The following TMEM17 variants were observed in gnomAD, a reference collection of about 807,000 sequenced individuals.
TMEM17 encodes the protein transmembrane protein 17.
In TMEM17, 15 loss-of-function variants were observed where a neutral mutation model predicts 19.1. The ratio of observed to expected loss-of-function variants is 0.78; its 90% confidence interval spans 0.52 to 1.21. The LOEUF (loss-of-function observed/expected upper bound fraction) is 1.21, where lower values mean the gene tolerates loss of function less well. Ranked by LOEUF, TMEM17 falls within the 50% of genes most tolerant of loss-of-function variation. TMEM17 has a pLI of 0.00. For synonymous variants in TMEM17, 103 were observed against 86.9 expected, an observed-to-expected ratio of 1.19 and a Z score of -1.03; for missense variants, 245 against 242.3, an observed-to-expected ratio of 1.01 and a Z score of -0.07.
At chr2:62,477,783 A>T in the TMEM17 span, among the ~76,000 whole-genome samples, 5 of 152,216 alleles carry the variant, frequency 3.3e-5, no homozygotes, top group Non-Finnish European at 7.4e-5. Flanking sequence ...ATACAAACAC[A>T]GGAAGGGTAC....
the TMEM17 span, among the ~76,000 whole-genome samples, chr2:62,488,854 T>G: frequency 6.6e-6 from 1 of 150,708 alleles, no homozygotes; most frequent in Non-Finnish European, 1.5e-5. Context: ...GCACAGCTTC[T>G]CTGCTTAGGG....
the TMEM17 span, chr2:62,491,182 G>A: frequency 2.0e-5 from 3 of 152,082 alleles, no homozygotes; most frequent in African/African-American, 7.3e-5. Flanking sequence ...CAATTAGCTG[G>A]GCGTGCTGGA....
chr2:62,460,205 C>A, the TMEM17 span, among the ~76,000 whole-genome samples: 1 of 152,190 alleles, frequency 6.6e-6, no homozygotes, highest in African/African-American at 2.4e-5. Flanking sequence ...CTTATTTAAT[C>A]CTCACAACAA....
At chr2:62,486,859 G>A in the TMEM17 span, among the ~76,000 whole-genome samples, 6 of 152,102 alleles carry the variant, frequency 3.9e-5, no homozygotes. Flanking sequence ...CTCTCAGGTT[G>A]GCTGCTGTGC....
chr2:62,502,162 T>C (rs6756655), intron 3 of TMEM17: 40,195 of 198,342 alleles, frequency 0.2, 4,338 homozygotes, highest in East Asian at 0.33. Flanking sequence ...AAAATATCAA[T>C]TTTAAGTGTT....
At chr2:62,488,792 C>CTTT in the TMEM17 span, among the ~76,000 whole-genome samples, 1 of 119,024 alleles carries the variant, frequency 8.4e-6, no homozygotes, top group Non-Finnish European at 1.7e-5. Flanking sequence ...TTTTATTCTA[C>CTTT]TTTTTTTTTT....
intron 1 of TMEM17, 120 bp downstream of exon 1, chr2:62,505,910 T>G: frequency 9.9e-7 from 1 of 1,006,624 alleles, no homozygotes; most frequent in South Asian, 1.5e-5. Context: ...TCTCCCGCAC[T>G]GCGGAGAACT....
At chr2:62,490,940 G>A in the TMEM17 span, among the ~76,000 whole-genome samples, 2 of 152,052 alleles carry the variant, frequency 1.3e-5, no homozygotes, top group African/African-American at 2.4e-5. Flanking sequence ...TTAGCTGGGC[G>A]CAGTGGTGTG....
the TMEM17 span, among the ~76,000 whole-genome samples, chr2:62,492,042 C>A: frequency 6.6e-6 from 1 of 152,072 alleles, no homozygotes; most frequent in Non-Finnish European, 1.5e-5. Flanking sequence ...AGCTTCTGGA[C>A]CCTTTTTTGC....
chr2:62,485,028 C>G, the TMEM17 span, among the ~76,000 whole-genome samples: 1 of 152,240 alleles, frequency 6.6e-6, no homozygotes, highest in African/African-American at 2.4e-5. Context: ...ACCTCCGCCT[C>G]CCAGGCTCAA....
At chr2:62,454,673 C>CA in the TMEM17 span, among the ~76,000 whole-genome samples, 2 of 152,044 alleles carry the variant, frequency 1.3e-5, no homozygotes, top group Non-Finnish European at 2.9e-5. Context: ...TTTAATAAAA[C>CA]AAAAAACCCA....
At chr2:62,485,670 T>C in the TMEM17 span, among the ~76,000 whole-genome samples, 1 of 152,200 alleles carries the variant, frequency 6.6e-6, no homozygotes, top group Non-Finnish European at 1.5e-5. Context: ...ATTAACACAA[T>C]GTATCCTTTT....
At chr2:62,458,845 T>C in the TMEM17 span, among the ~76,000 whole-genome samples, 2 of 152,162 alleles carry the variant, frequency 1.3e-5, no homozygotes, top group Admixed American at 1.3e-4. Flanking sequence ...GTGTTTGTCC[T>C]CTCTAATCAA....
the TMEM17 span, among the ~76,000 whole-genome samples, chr2:62,463,658 G>A: frequency 6.6e-6 from 1 of 152,188 alleles, no homozygotes; most frequent in African/African-American, 2.4e-5. Flanking sequence ...AGGGACAGGA[G>A]GCAGAGAAAT....
chr2:62,494,999 A>G, the TMEM17 span, among the ~76,000 whole-genome samples: 1 of 152,238 alleles, frequency 6.6e-6, no homozygotes, highest in African/African-American at 2.4e-5. Flanking sequence ...TGGGTGACAG[A>G]GCGAGACTCC....
downstream of TMEM17, chr2:62,500,073 C>G (rs889832820): frequency 6.6e-6 from 1 of 152,142 alleles, no homozygotes; most frequent in Non-Finnish European, 1.5e-5. Flanking sequence ...CTAGTAGATG[C>G]AATCACAAGT....
the TMEM17 span, among the ~76,000 whole-genome samples, chr2:62,487,746 G>A: frequency 6.6e-6 from 1 of 152,254 alleles, no homozygotes; most frequent in Non-Finnish European, 1.5e-5. Flanking sequence ...CCAGGCTGGA[G>A]TGCAGTGGTG....
chr2:62,467,327 A>G, the TMEM17 span, among the ~76,000 whole-genome samples: 1 of 152,106 alleles, frequency 6.6e-6, no homozygotes, highest in Non-Finnish European at 1.5e-5. Context: ...CCACGGATCT[A>G]GTCCAATCCC....
the TMEM17 span, among the ~76,000 whole-genome samples, chr2:62,487,190 A>G: frequency 6.6e-6 from 1 of 152,204 alleles, no homozygotes; most frequent in Non-Finnish European, 1.5e-5. Flanking sequence ...AGGGCTGTGC[A>G]TCTTTCTGGA....
Sources: allele counts gnomAD v4.1 joint callset (sites outside exome capture counted in the v4.1 genomes callset), GRCh38; gene constraint gnomAD v4.1.1; transcripts MANE v1.5; gene names NCBI Gene and HGNC (gene_info 2026-07-23, HGNC 2026-07-21).